HNF4G: variants seen among roughly 807,000 people sequenced by gnomAD.
HNF4G encodes the protein hepatocyte nuclear factor 4-gamma.
HNF4G carries 21 observed loss-of-function variants against 50.9 expected under a neutral mutation model. That is an observed-to-expected ratio of 0.41 (90% CI 0.29 to 0.59). The LOEUF (loss-of-function observed/expected upper bound fraction) is 0.59, where lower values mean the gene tolerates loss of function less well. Ranked by LOEUF, HNF4G falls within the 20% of genes least tolerant of loss-of-function variation. The pLI is 0.26. For missense variants in HNF4G, 527 were observed against 559.4 expected (o/e 0.94, Z 0.58); for synonymous variants, 198 against 185.6 (o/e 1.07, Z -0.54).
At chr8:75,548,488 C>G (rs1382974863) in intron 3 of HNF4G, among the ~76,000 whole-genome samples, 1 of 152,062 alleles carries the variant, frequency 6.6e-6, no homozygotes, top group Non-Finnish European at 1.5e-5. Context: ...TTTCAGGAAG[C>G]TTGTATTATA....
At chr8:75,504,646 GTAAT>G (rs1813028705) in intron 2 of HNF4G, among the ~76,000 whole-genome samples, 1 of 152,094 alleles carries the variant, frequency 6.6e-6, no homozygotes, top group African/African-American at 2.4e-5. Flanking sequence ...TTAATGCACT[GTAAT>G]TATTATCAAA....
At chr8:75,510,449 CCA>C (rs1805719379) in intron 2 of HNF4G, among the ~76,000 whole-genome samples, 1 of 152,188 alleles carries the variant, frequency 6.6e-6, no homozygotes, top group African/African-American at 2.4e-5. Context: ...CATTCACTCA[CCA>C]CACACTCACT....
chr8:75,517,220 T>G (rs903961568), intron 2 of HNF4G, among the ~76,000 whole-genome samples: 1 of 152,168 alleles, frequency 6.6e-6, no homozygotes, highest in African/African-American at 2.4e-5. Flanking sequence ...GGGAGCTATA[T>G]TTTAAGATGA....
In HNF4G at chr8:75,504,275, A is replaced by C. The variant is rs528087183; in HGVS notation, c.-24+14067A>C. 1.7e-4 allele frequency among the ~76,000 whole-genome samples: 25 copies of C among 148,052 alleles called. No individual in the cohort carries two copies. The East Asian group carries it at 2.4e-3, about 14-fold the overall frequency. The stretch of plus-strand genomic sequence containing the variant: ...CACACACACACACACACACACACAC[A>C]CCAAAAACAACAACAAAAAAAATCT... On this transcript the variant is annotated intron_variant, in intron 2 of 10. Transcript: ENST00000354370.
At chr8:75,535,847 A>C (rs1806450285), upstream of HNF4G, among the ~76,000 whole-genome samples, 1 of 151,950 alleles carries the variant, frequency 6.6e-6, no homozygotes, top group Non-Finnish European at 1.5e-5. Context: ...TCTTCCAGAT[A>C]AGATAGAAAT....
intron 1 of HNF4G, among the ~76,000 whole-genome samples, chr8:75,411,444 C>T (rs1168383114): frequency 6.6e-6 from 1 of 152,268 alleles, no homozygotes; most frequent in East Asian, 1.9e-4. Context: ...TACTATTTAC[C>T]TACTCATTAT....
chr8:75,421,086 A>G (rs1278587181), intron 1 of HNF4G, among the ~76,000 whole-genome samples: 4 of 152,220 alleles, frequency 2.6e-5, no homozygotes, highest in Non-Finnish European at 5.9e-5. Context: ...ATTTAACCCA[A>G]TATATTAAAA....
At position 75,473,202 on chromosome 8, in the gene HNF4G, G is replaced by A. The variant is rs574739767; in HGVS notation, c.-143-16887G>A. ...TGGGTGCCTGTAGTCCCAGCTACTC[G>A]GGAGGCTGAGGCAGGAGAATGGCAT... On this transcript the variant is annotated intron_variant, in intron 1 of 10. Transcript: ENST00000354370. 4.5e-3 allele frequency among the ~76,000 whole-genome samples: 682 copies of A among 152,012 alleles called. 4 individuals carry two copies. The highest frequency in any genetic ancestry group is 0.014 in the African/African-American group (581 of 41,450).
rs1479670591 is a variant in HNF4G at position 75,565,121 on chromosome 8, C to T, written c.*1025C>T. On this transcript the variant is annotated 3_prime_UTR_variant, in exon 10 of 10. Transcript: ENST00000396423. ...GGGTTTAAGGAACATAACCAAAGTT[C>T]ACAAACATAACGAGTGAGAGAAACA... 6.6e-6 allele frequency: 1 copy of T among 152,156 alleles called. No individual in the cohort carries two copies. Among genetic ancestry groups the T allele is most frequent in the African/African-American group, 2.4e-5 (1 of 41,438 alleles). 9.4% of individuals were successfully genotyped at this position (152,156 alleles called of 1,614,324 possible).
chr8:75,520,552 C>A (rs192701276), intron 2 of HNF4G, among the ~76,000 whole-genome samples: 1 of 152,170 alleles, frequency 6.6e-6, no homozygotes, highest in Admixed American at 6.5e-5. Flanking sequence ...ATATTCCTAC[C>A]TCATCCTCCT....
chr8:75,420,217 A>T (rs1392083411), intron 1 of HNF4G, among the ~76,000 whole-genome samples: 4 of 152,158 alleles, frequency 2.6e-5, no homozygotes. Flanking sequence ...ACTTATCTTT[A>T]TCTCTACTGC....
At chr8:75,410,181 A>G (rs1053798638) in intron 1 of HNF4G, among the ~76,000 whole-genome samples, 9 of 152,196 alleles carry the variant, frequency 5.9e-5, no homozygotes, top group African/African-American at 2.2e-4. Context: ...ATATCTATGT[A>G]CATTATCTTT....
At chr8:75,487,595 C>T (rs963354248) in intron 1 of HNF4G, among the ~76,000 whole-genome samples, 2 of 152,186 alleles carry the variant, frequency 1.3e-5, no homozygotes, top group African/African-American at 4.8e-5. Context: ...CAAAATTTAT[C>T]TATCCTTTAA....
chr8:75,556,522 G>A (rs532290138), intron 6 of HNF4G, among the ~76,000 whole-genome samples: 31 of 152,284 alleles, frequency 2.0e-4, no homozygotes, highest in African/African-American at 7.5e-4. Context: ...AAGTAAAAAA[G>A]TATTGGTGGT....
rs117156404 is a variant in HNF4G, at chr8:75,436,752, T to C, written c.-144+28590T>C. On this transcript the variant is annotated intron_variant, in intron 1 of 10. Coordinates refer to the HNF4G transcript ENST00000354370. ...ACTGAAACATATTTAAAGTTTAAAATGAGAACTTTGTCCAGGCACAGTGGC... is the reference window on the plus strand; with the variant it reads ...ACTGAAACATATTTAAAGTTTAAAACGAGAACTTTGTCCAGGCACAGTGGC... 4.8e-3 allele frequency among the ~76,000 whole-genome samples: 733 copies of C among 152,320 alleles called. 3 individuals carry two copies. Among genetic ancestry groups the C allele is most frequent in the Non-Finnish European group, 7.8e-3 (531 of 68,030 alleles).
chr8:75,518,244 T>A (rs1297120455), intron 2 of HNF4G, among the ~76,000 whole-genome samples: 2 of 149,502 alleles, frequency 1.3e-5, no homozygotes, highest in Non-Finnish European at 3.0e-5. Context: ...TGGTGTTTGG[T>A]TTTTTTGTCC....
intron 1 of HNF4G, among the ~76,000 whole-genome samples, chr8:75,540,851 A>ATGTGTGTGTG (rs56799230): frequency 0.049 from 7,215 of 146,410 alleles, 199 homozygotes; most frequent in South Asian, 0.065. Context: ...GAAAATGTGT[A>ATGTGTGTGTG]TGTGTGTGTG....
intron 1 of HNF4G, among the ~76,000 whole-genome samples, chr8:75,409,813 T>C (rs185514141): frequency 5.3e-5 from 8 of 152,222 alleles, no homozygotes; most frequent in African/African-American, 1.7e-4. Flanking sequence ...AAATTCTTGT[T>C]TTTTCTATAA....
intron 1 of HNF4G, among the ~76,000 whole-genome samples, chr8:75,440,438 C>A (rs1483541208): frequency 2.0e-5 from 3 of 152,170 alleles, no homozygotes; most frequent in Non-Finnish European, 2.9e-5. Context: ...GCTTTAACAA[C>A]ACCAACTGCT....
Sources: gnomAD v4.1 joint callset for allele counts (sites outside exome capture counted in the v4.1 genomes callset) on GRCh38, gnomAD v4.1.1 for gene constraint, MANE v1.5 for transcripts, NCBI Gene and HGNC (gene_info 2026-07-23, HGNC 2026-07-21) for gene names.